The following PIM1 variants were observed in gnomAD, a reference collection of about 807,000 sequenced individuals.
The protein encoded by PIM1 is serine/threonine-protein kinase pim-1.
In PIM1, 9 loss-of-function variants were observed where a neutral mutation model predicts 34.5. That is an observed-to-expected ratio of 0.26 (90% CI 0.16 to 0.46). The LOEUF (loss-of-function observed/expected upper bound fraction) is 0.46. Among genes scored for constraint, PIM1 ranks in the 20% least tolerant of loss-of-function variants. The pLI is 1.00. For missense variants in PIM1, 274 were observed against 410.9 expected (o/e 0.67, Z 2.88); for synonymous variants, 199 against 175.2 (o/e 1.14, Z -1.07).
At position 37,170,649 on chromosome 6, in the gene PIM1, T is replaced by G. The variant is rs1310183432; in HGVS notation, c.74T>G (p.Leu25Arg). ...TGCAACGACCTGCACGCCACCAAGC[T>G]GGCGCCCGGTGAGAGCACCCCCCGC... is the stretch of plus-strand genomic sequence containing the variant. ...APCNDLHATK[L>R]APGKEKEPLE... The change falls in exon 1 of 6, where the codon CTG becomes CGG. Residue 25 changes from leucine (L) to arginine (R), a missense_variant. By Grantham distance (102) the Leu-to-Arg change is moderately radical. This residue lies in a region of PIM1 where 106 missense variants were observed against 111.5 expected (regional missense o/e 0.95). Coordinates refer to ENST00000373509, the MANE Select transcript of PIM1 (RefSeq NM_002648.4). 29 of 1,611,686 alleles carry G rather than the reference T, an allele frequency of 1.8e-5. No individual in the cohort carries two copies. Among genetic ancestry groups the G allele is most frequent in the Non-Finnish European group, 2.5e-5 (29 of 1,179,240 alleles).
At position 37,170,807 on chromosome 6, in the gene PIM1, G is replaced by C. The variant is rs767621897; in HGVS notation, c.117G>C (p.Gln39His). The change falls in exon 2 of 6, where the codon CAG (glutamine) becomes CAC (histidine). Residue 39 changes from glutamine to histidine, a missense_variant. Physicochemically the swap from Gln to His is conservative, Grantham distance 24. This residue lies in a region of PIM1 where 106 missense variants were observed against 111.5 expected (regional missense o/e 0.95). Coordinates refer to ENST00000373509, the MANE Select transcript of PIM1 (RefSeq NM_002648.4). ...KEKEPLESQY[Q>H]VGPLLGSGGF... ...AGGAGCCCCTGGAGTCGCAGTACCA[G>C]GTGGGCCCGCTACTGGGCAGCGGCG... 2 of 1,613,046 alleles carry C rather than the reference G, an allele frequency of 1.2e-6. No individual in the cohort carries two copies. Among genetic ancestry groups the C allele is most frequent in the East Asian group, 2.2e-5 (1 of 44,830 alleles).
intron 4 of PIM1, among the ~76,000 whole-genome samples, chr6:37,172,044 C>G (rs1762298794): frequency 1.3e-5 from 2 of 151,518 alleles, no homozygotes; most frequent in Non-Finnish European, 2.9e-5. Flanking sequence ...GAAATAAGAT[C>G]TGTCGCTGGT....
chr6:37,172,666 T>C, intron 4 of PIM1: 1 of 520,148 alleles, frequency 1.9e-6, no homozygotes, highest in Non-Finnish European at 3.7e-6. Context: ...TGTGCAGACA[T>C]GCATCCCTTC....
In PIM1 at chr6:37,170,433, C is replaced by G. The variant is rs754086314; in HGVS notation, c.-143C>G. On this transcript the variant is annotated 5_prime_UTR_variant, in exon 1 of 6. Coordinates refer to ENST00000373509, the MANE Select transcript of PIM1 (RefSeq NM_002648.4). ...TCCGACTCGCCCTCGGCCTTCCGCG[C>G]CAGCCGCAGCCACAGCCGCAACGCC... is the stretch of plus-strand genomic sequence containing the variant. 8.5e-6 allele frequency: 13 copies of G among 1,537,832 alleles called. No homozygotes were observed. Among genetic ancestry groups the G allele is most frequent in the Non-Finnish European group, 1.0e-5 (12 of 1,147,634 alleles).
In PIM1 at chr6:37,170,234, C is replaced by T; in HGVS notation, c.-342C>T. The T allele has an allele frequency of 2.4e-6, 3 of 1,269,190 alleles. No individual in the cohort carries two copies. The highest frequency in any genetic ancestry group is 1.7e-5 in the South Asian group (1 of 60,318). The allele number at this position is 1,269,190 out of a possible 1,614,324, so 78.6% of individuals were successfully genotyped here. A position where few individuals can be genotyped will look rare whatever the true frequency, so the allele number is the denominator to read the frequency against. On this transcript the variant is annotated 5_prime_UTR_variant, in exon 1 of 6. Coordinates refer to ENST00000373509, the MANE Select transcript of PIM1 (RefSeq NM_002648.4). ...GCCCGAGAGGAGTCGGTGGCAGCGGCGGCGGCGGGACCGGCAGCAGCAGCA... is the reference window on the plus strand; with the variant it reads ...GCCCGAGAGGAGTCGGTGGCAGCGGTGGCGGCGGGACCGGCAGCAGCAGCA...
rs377274719 is a variant in PIM1, at chr6:37,170,773, G to A, written c.83G>A (p.Gly28Asp). 6.2e-6 allele frequency: 10 copies of A among 1,612,340 alleles called. No individual in the cohort carries two copies. In the Admixed American group the frequency reaches 1.2e-4, roughly 19 times the overall value. Residue 28 changes from glycine (G) to aspartate (D), a missense_variant and splice_region_variant, in exon 2 of 6, where the codon GGC (glycine) becomes GAC (aspartate). Physicochemically the swap from Gly to Asp is moderately conservative, Grantham distance 94 (BLOSUM62 -1). This residue lies in a region of PIM1 where 106 missense variants were observed against 111.5 expected (regional missense o/e 0.95). Transcript: ENST00000373509. Reference sequence around the variant, plus strand: ...GTCCCCGTGCTTCCCCCTTTCCTAGGCAAGGAGAAGGAGCCCCTGGAGTCG... The same window carrying A: ...GTCCCCGTGCTTCCCCCTTTCCTAGACAAGGAGAAGGAGCCCCTGGAGTCG... Reference protein sequence around the residue: ...NDLHATKLAPGKEKEPLESQY... With the variant: ...NDLHATKLAPDKEKEPLESQY...
chr6:37,173,709 C>G (rs1389813972), intron 5 of PIM1, among the ~76,000 whole-genome samples: 2 of 152,146 alleles, frequency 1.3e-5, no homozygotes, highest in Non-Finnish European at 2.9e-5. Flanking sequence ...AGTTTGAAAA[C>G]CACAGGTTTA....
rs1408480607 is a variant in PIM1, at chr6:37,175,417, C to G, written c.*1326C>G. 4 of 226,644 alleles carry G rather than the reference C, an allele frequency of 1.8e-5. No individual in the cohort carries two copies. The highest frequency in any genetic ancestry group is 1.8e-4 in the South Asian group (1 of 5,434). 14.0% of individuals were successfully genotyped at this position (226,644 alleles called of 1,614,324 possible). ...TACTTGGCGTTTTTTGAATAAAAAC[C>G]TTTTGTCTTAACTCGTGGCTTCTAA... On this transcript the variant is annotated 3_prime_UTR_variant, in exon 6 of 6. Transcript: ENST00000373509.
chr6:37,173,809 C>A, intron 5 of PIM1, 125 bp from the exon 6 acceptor site: 3 of 757,374 alleles, frequency 4.0e-6, no homozygotes, highest in Non-Finnish European at 6.5e-6. Context: ...GCACAGTGTT[C>A]TAGAAAATGC....
At chr6:37,170,680 GC>G in intron 1 of PIM1, 23 bp downstream of exon 1, 1 of 1,607,424 alleles carries the variant, frequency 6.2e-7, no homozygotes, top group Admixed American at 1.7e-5. Flanking sequence ...CCCGCCTCCG[GC>G]CCGGGGATGC....
rs1387437361 is a variant in PIM1 at position 37,170,806 on chromosome 6, A to T, written c.116A>T (p.Gln39Leu). ...KEKEPLESQY[Q>L]VGPLLGSGGF... ...AAGGAGCCCCTGGAGTCGCAGTACC[A>T]GGTGGGCCCGCTACTGGGCAGCGGC... Residue 39 changes from glutamine to leucine, a missense_variant, in exon 2 of 6, where the codon CAG becomes CTG. Coordinates refer to ENST00000373509, the MANE Select transcript of PIM1 (RefSeq NM_002648.4). 1 of 1,612,904 alleles carries T rather than the reference A, an allele frequency of 6.2e-7. No individual in the cohort carries two copies. Among genetic ancestry groups the T allele is most frequent in the Non-Finnish European group, 8.5e-7 (1 of 1,179,656 alleles).
Position 37,170,995 on chromosome 6 carries a change from C to G in PIM1, c.204C>G (p.His68Gln), listed in dbSNP as rs750555644. The G allele has an allele frequency of 9.9e-6, 16 of 1,613,944 alleles. No individual in the cohort carries two copies. The Admixed American group carries it at 1.2e-4, about 12-fold the overall frequency. Residue 68 changes from histidine to glutamine, a missense_variant, in exon 3 of 6, where the codon CAC (histidine) becomes CAG (glutamine). By Grantham distance (24) the His-to-Gln change is conservative. This residue lies in a region of PIM1 where 106 missense variants were observed against 111.5 expected (regional missense o/e 0.95). Coordinates refer to ENST00000373509, the MANE Select transcript of PIM1 (RefSeq NM_002648.4). The stretch of plus-strand genomic sequence containing the variant: ...TGGGCTTCCAGGTGGCCATCAAACA[C>G]GTGGAGAAGGACCGGATTTCCGACT... Reference protein sequence around the residue: ...VSDNLPVAIKHVEKDRISDWG... With the variant: ...VSDNLPVAIKQVEKDRISDWG...
chr6:37,170,614 C>T lies in PIM1; in HGVS notation c.39C>T (p.Arg13=), dbSNP rs2113769143. The change falls in exon 1 of 6, where the codon CGC becomes CGT. Residue 13 remains arginine (R), a synonymous_variant. Coordinates refer to ENST00000373509, the MANE Select transcript of PIM1 (RefSeq NM_002648.4). Reference sequence around the variant, plus strand: ...AAATCAACTCGCTTGCCCACCTGCGCGCCGCGCCCTGCAACGACCTGCACG... The same window carrying T: ...AAATCAACTCGCTTGCCCACCTGCGTGCCGCGCCCTGCAACGACCTGCACG... ...LSKINSLAHL[R]AAPCNDLHAT... The T allele has an allele frequency of 6.2e-7, 1 of 1,612,992 alleles. No individual in the cohort carries two copies. The highest frequency in any genetic ancestry group is 2.2e-5 in the East Asian group (1 of 44,818).
At chr6:37,172,696 G>T (rs1334500300) in intron 4 of PIM1, 1 of 564,972 alleles carries the variant, frequency 1.8e-6, no homozygotes. Context: ...AGGCGGTCCT[G>T]CCTCACAGGG....
chr6:37,170,942 C>G (rs772887811), intron 2 of PIM1, 39 bp from the exon 3 acceptor site: 3 of 1,613,788 alleles, frequency 1.9e-6, no homozygotes, highest in Non-Finnish European at 2.5e-6. Context: ...CGTGCTTTAG[C>G]CCGGACGAGG....
rs1215548229 is a variant in PIM1, at chr6:37,170,595, A to G, written c.20A>G (p.Asn7Ser). 3 of 1,612,614 alleles carry G rather than the reference A, an allele frequency of 1.9e-6. No individual in the cohort carries two copies. The highest frequency in any genetic ancestry group is 2.5e-6 in the Non-Finnish European group (3 of 1,179,470). ...GTTGGGATGCTCTTGTCCAAAATCAACTCGCTTGCCCACCTGCGCGCCGCG... is the reference window on the plus strand; with the variant it reads ...GTTGGGATGCTCTTGTCCAAAATCAGCTCGCTTGCCCACCTGCGCGCCGCG... MLLSKI[N>S]SLAHLRAAPC... is the part of the protein sequence containing the mutation. Residue 7 changes from asparagine (N) to serine (S), a missense_variant, in exon 1 of 6, where the codon AAC becomes AGC. Physicochemically the swap from Asn to Ser is conservative, Grantham distance 46. Around this residue, in one of 2 missense-constraint regions of PIM1, gnomAD observed 106 missense variants for 111.5 expected, o/e 0.95. Transcript: ENST00000373509.
rs1762376867 is a variant in PIM1, at chr6:37,174,758, TCTTC to T, written c.*671_*674del. 4.3e-6 allele frequency: 1 copy of T among 233,536 alleles called. No individual in the cohort carries two copies. Among genetic ancestry groups the T allele is most frequent in the Admixed American group, 5.6e-5 (1 of 17,762 alleles). The allele number at this position is 233,536 out of a possible 1,614,324, so 14.5% of individuals were successfully genotyped here. A position where few individuals can be genotyped will look rare whatever the true frequency, so the allele number is the denominator to read the frequency against. On this transcript the variant is annotated 3_prime_UTR_variant, in exon 6 of 6. Transcript: ENST00000373509. ...TTTAGTAAAACTCCGAGTGAACTGG[TCTTC>T]CTTTTTGGTTTTTACTTAACTGTTT...
rs1002786706 is a variant in PIM1 at position 37,174,229 on chromosome 6, A to G, written c.*138A>G. Reference sequence around the variant, plus strand: ...GATACAGGAACAACATTTACAACTCATTCCAGATCCCAGGCCCCTGGAGGC... The same window carrying G: ...GATACAGGAACAACATTTACAACTCGTTCCAGATCCCAGGCCCCTGGAGGC... On this transcript the variant is annotated 3_prime_UTR_variant, in exon 6 of 6. Coordinates refer to ENST00000373509, the MANE Select transcript of PIM1 (RefSeq NM_002648.4). The G allele has an allele frequency of 1.2e-6, 1 of 846,744 alleles. No homozygotes were observed. The highest frequency in any genetic ancestry group is 2.9e-5 in the Admixed American group (1 of 34,010). 52.5% of individuals were successfully genotyped at this position (846,744 alleles called of 1,614,324 possible).
intron 5 of PIM1, 121 bp downstream of exon 5, chr6:37,173,293 T>C (rs1201880778): frequency 2.2e-6 from 2 of 890,364 alleles, no homozygotes; most frequent in Non-Finnish European, 3.4e-6. Context: ...CACCCTTGGC[T>C]TAGAATTGTA....
Sources: gnomAD v4.1 joint callset for allele counts (sites outside exome capture counted in the v4.1 genomes callset) on GRCh38, gnomAD v4.1.1 for gene constraint, gnomAD v4.1.1 regional missense constraint, MANE v1.5 for transcripts, NCBI Gene and HGNC (gene_info 2026-07-23, HGNC 2026-07-21) for gene names.